SH3YL1: variants seen among roughly 807,000 people sequenced by gnomAD.
SH3YL1 encodes SH3 domain-containing YSC84-like protein 1.
A neutral mutation model predicts 45.8 loss-of-function variants in SH3YL1; 41 were observed. That is an observed-to-expected ratio of 0.89 (90% CI 0.70 to 1.16). SH3YL1 has a LOEUF of 1.16. SH3YL1 is among the 50% of genes most tolerant of loss of function. SH3YL1 has a pLI of 0.00. For synonymous variants in SH3YL1, 152 were observed against 151.4 expected, an observed-to-expected ratio of 1.00 and a Z score of -0.03; for missense variants, 389 against 409.6, an observed-to-expected ratio of 0.95 and a Z score of 0.43.
At chr2:251,654 A>C (rs1015038975) in intron 2 of SH3YL1, among the ~76,000 whole-genome samples, 6 of 152,190 alleles carry the variant, frequency 3.9e-5, no homozygotes, top group Non-Finnish European at 4.4e-5. Context: ...CTTGGGAGGA[A>C]TGCAGACTGA....
At chr2:264,731 C>A, upstream of SH3YL1, 1 of 489,384 alleles carries the variant, frequency 2.0e-6, no homozygotes, top group Non-Finnish European at 3.6e-6. Context: ...AGGTGAACGG[C>A]GGCCCAGTCC....
At chr2:254,482 G>A (rs994663416) in intron 1 of SH3YL1, among the ~76,000 whole-genome samples, 4 of 152,206 alleles carry the variant, frequency 2.6e-5, no homozygotes, top group Admixed American at 6.5e-5. Context: ...AGGCACATGC[G>A]TGACTGACTG....
intron 1 of SH3YL1, chr2:261,309 C>T (rs1029261012): frequency 1.3e-5 from 2 of 152,172 alleles, no homozygotes; most frequent in Non-Finnish European, 2.9e-5. Flanking sequence ...CAGGTCATTA[C>T]TAATGAAGCC....
chr2:262,623 C>G (rs1207015892), intron 1 of SH3YL1: 1 of 1,304,242 alleles, frequency 7.7e-7, no homozygotes. Context: ...TATCATGACG[C>G]CACTCACTGG....
chr2:237,022 C>A (rs986422570), intron 4 of SH3YL1, among the ~76,000 whole-genome samples: 3 of 152,108 alleles, frequency 2.0e-5, no homozygotes, highest in African/African-American at 7.2e-5. Context: ...TGCTGAATGG[C>A]AGATAATTAT....
At chr2:233,035 T>C (rs1668116710) in intron 6 of SH3YL1, 66 bp downstream of exon 6, 1 of 1,392,680 alleles carries the variant, frequency 7.2e-7, no homozygotes, top group Non-Finnish European at 9.6e-7. Flanking sequence ...CTGCAAATTA[T>C]ATCAACTTTT....
chr2:243,795 T>G (rs992697005), intron 4 of SH3YL1, among the ~76,000 whole-genome samples: 1 of 152,190 alleles, frequency 6.6e-6, no homozygotes, highest in Non-Finnish European at 1.5e-5. Flanking sequence ...ACACTAGCTG[T>G]GTGATCTTAG....
intron 4 of SH3YL1, chr2:242,702 C>A: frequency 1.5e-6 from 2 of 1,369,020 alleles, no homozygotes; most frequent in Non-Finnish European, 1.9e-6. Flanking sequence ...AATAAAAAGG[C>A]AGAGATTATT....
chr2:244,014 G>C (rs1668664415), intron 4 of SH3YL1, among the ~76,000 whole-genome samples: 2 of 152,070 alleles, frequency 1.3e-5, no homozygotes, highest in African/African-American at 4.8e-5. Context: ...AGACTACAGG[G>C]AACTCTGTCT....
rs757931309 is a variant in SH3YL1, at chr2:262,911, T to C, written c.1+1073A>G. On this transcript the variant is annotated intron_variant, in intron 1 of 9. Coordinates refer to ENST00000356150, the MANE Select transcript of SH3YL1 (RefSeq NM_015677.4). ...ACAGAAATTTTCTTTAAACAGAACA[T>C]TAGTGAACCAAATAACCAATTCTCC... is the stretch of plus-strand genomic sequence containing the variant. The C allele has an allele frequency of 1.1e-4, 34 of 313,944 alleles. 2 individuals carry two copies. Among genetic ancestry groups the C allele is most frequent in the Middle Eastern group, 1.1e-3 (1 of 876 alleles). The allele number at this position is 313,944 out of a possible 1,614,324, so 19.4% of individuals were successfully genotyped here. A position where few individuals can be genotyped will look rare whatever the true frequency, so the allele number is the denominator to read the frequency against.
chr2:255,885 G>A (rs1249623557), intron 1 of SH3YL1: 1 of 152,162 alleles, frequency 6.6e-6, no homozygotes, highest in Non-Finnish European at 1.5e-5. Context: ...GTGTATTTTG[G>A]CATGTTGCAT....
chr2:219,025 C>T (rs1330898597), intron 9 of SH3YL1, 24 bp from the exon 10 acceptor site: 8 of 1,587,584 alleles, frequency 5.0e-6, no homozygotes, highest in African/African-American at 1.4e-5. Flanking sequence ...AAAGTATTCA[C>T]GTTTATGTTC....
Position 242,750 on chromosome 2 carries a change from C to CAAT in SH3YL1, c.291+4787_291+4788insATT, listed in dbSNP as rs2103038785. 3 of 1,489,834 alleles carry CAAT rather than the reference C, an allele frequency of 2.0e-6. No homozygotes were observed. The South Asian group carries it at 4.1e-5, about 20-fold the overall frequency. The allele number at this position is 1,489,834 out of a possible 1,614,324, so 92.3% of individuals were successfully genotyped here. On this transcript the variant is annotated intron_variant, in intron 4 of 9. Transcript: ENST00000356150. ...ACAACAATAACAACAACAACAACAA[C>CAAT]ATCCAATTATATGCTCCATAGGAGA...
At chr2:241,399 G>C (rs1440789366) in intron 4 of SH3YL1, 1 of 152,018 alleles carries the variant, frequency 6.6e-6, no homozygotes, top group East Asian at 1.9e-4. Flanking sequence ...AGAAACACAA[G>C]AAACCTGGGA....
At chr2:252,260 C>T (rs1365671196) in intron 2 of SH3YL1, among the ~76,000 whole-genome samples, 3 of 152,062 alleles carry the variant, frequency 2.0e-5, no homozygotes, top group Non-Finnish European at 2.9e-5. Context: ...TGTCTTAAAC[C>T]GCTAGAGAAT....
intron 6 of SH3YL1, among the ~76,000 whole-genome samples, chr2:232,735 T>G (rs1004415529): frequency 7.2e-5 from 11 of 152,128 alleles, no homozygotes. Context: ...GAATGATGGT[T>G]TCCAGCTATC....
intron 2 of SH3YL1, among the ~76,000 whole-genome samples, chr2:250,491 T>A (rs1482200066): frequency 1.3e-5 from 2 of 152,216 alleles, no homozygotes; most frequent in Non-Finnish European, 2.9e-5. Context: ...TCAGAGATGT[T>A]CATTACATAA....
intron 4 of SH3YL1, among the ~76,000 whole-genome samples, chr2:238,554 A>G (rs1284920993): frequency 3.9e-5 from 6 of 152,136 alleles, no homozygotes; most frequent in African/African-American, 1.4e-4. Flanking sequence ...TCAAATTCCA[A>G]TCTTGAGTAA....
chr2:219,868 A>G (rs944346884), intron 9 of SH3YL1, among the ~76,000 whole-genome samples: 5 of 152,098 alleles, frequency 3.3e-5, no homozygotes, highest in Non-Finnish European at 5.9e-5. Context: ...AATATCAGAG[A>G]TAAGTTGGAA....
Sources: gnomAD v4.1 joint callset for allele counts (sites outside exome capture counted in the v4.1 genomes callset) on GRCh38, gnomAD v4.1.1 for gene constraint, MANE v1.5 for transcripts, NCBI Gene and HGNC (gene_info 2026-07-23, HGNC 2026-07-21) for gene names.